ADGRL3: variants seen among roughly 807,000 people sequenced by gnomAD.
The protein encoded by ADGRL3 is adhesion G protein-coupled receptor L3, also known as calcium-independent alpha-latrotoxin receptor 3.
Under a neutral mutation model 153.5 loss-of-function variants are expected in ADGRL3, and 62 were observed. That is an observed-to-expected ratio of 0.40 (90% confidence interval 0.33 to 0.50). The LOEUF is 0.50. Ranked by LOEUF, ADGRL3 falls within the 20% of genes least tolerant of loss-of-function variation. The pLI is 0.47. For missense variants in ADGRL3, 1,641 were observed against 1,859.4 expected (o/e 0.88, Z 2.16); for synonymous variants, 710 against 672.5 (o/e 1.06, Z -0.86).
At chr4:61,847,830 A>AATATATT (rs1382950552) in intron 9 of ADGRL3, among the ~76,000 whole-genome samples, 1 of 16,206 alleles carries the variant, frequency 6.2e-5, no homozygotes, top group East Asian at 1.0e-3. Flanking sequence ...TATAATATAA[A>AATATATT]ATATATATAT....
At chr4:61,588,873 A>G (rs1172654390) in intron 5 of ADGRL3, among the ~76,000 whole-genome samples, 1 of 152,078 alleles carries the variant, frequency 6.6e-6, no homozygotes, top group Non-Finnish European at 1.5e-5. Context: ...TTAACCAAAC[A>G]TAAGATTCTG....
At chr4:61,763,375 C>T (rs535820684) in intron 8 of ADGRL3, among the ~76,000 whole-genome samples, 65 of 150,942 alleles carry the variant, frequency 4.3e-4, no homozygotes, top group African/African-American at 1.5e-3. Flanking sequence ...TTAGTAGAGA[C>T]GGGGTTTCAC....
At chr4:61,852,302 T>A (rs201024918) in intron 9 of ADGRL3, among the ~76,000 whole-genome samples, 26,876 of 151,298 alleles carry the variant, frequency 0.18, 3,131 homozygotes, top group African/African-American at 0.34. Flanking sequence ...TATTTTATTT[T>A]ATTTTATTTT....
At chr4:62,051,235 C>G (rs1267741147) in intron 25 of ADGRL3, among the ~76,000 whole-genome samples, 2 of 146,378 alleles carry the variant, frequency 1.4e-5, no homozygotes, top group South Asian at 2.1e-4. Flanking sequence ...TTGATAGAAA[C>G]AATCAGAAAA....
rs1359536265 is a variant in ADGRL3, at chr4:62,074,927, G to A, written c.*4019G>A. The A allele has an allele frequency of 6.6e-6, 1 of 151,970 alleles. No individual in the cohort carries two copies. The highest frequency in any genetic ancestry group is 2.4e-5 in the African/African-American group (1 of 41,384). The allele number at this position is 151,970 out of a possible 1,614,324, so 9.4% of individuals were successfully genotyped here. ...TAAAGGACCCACATATTTAATTTTAGGCATTGTCTTCAGCTTCCCTGGACC... is the reference window on the plus strand; with the variant it reads ...TAAAGGACCCACATATTTAATTTTAAGCATTGTCTTCAGCTTCCCTGGACC... On this transcript the variant is annotated 3_prime_UTR_variant, in exon 27 of 27. Transcript: ENST00000683033.
At chr4:61,566,210 A>G (rs532682860) in intron 4 of ADGRL3, among the ~76,000 whole-genome samples, 201 of 152,276 alleles carry the variant, frequency 1.3e-3, no homozygotes, top group Non-Finnish European at 2.0e-3. Flanking sequence ...GCTCAGGGCT[A>G]TGAAGACAAG....
intron 8 of ADGRL3, among the ~76,000 whole-genome samples, chr4:61,738,300 G>C (rs1398583265): frequency 6.6e-6 from 1 of 151,988 alleles, no homozygotes; most frequent in Admixed American, 6.6e-5. Flanking sequence ...TTATATCACA[G>C]TTTTTTTATC....
At chr4:61,894,308 C>T (rs570979353) in intron 10 of ADGRL3, among the ~76,000 whole-genome samples, 2 of 152,110 alleles carry the variant, frequency 1.3e-5, no homozygotes, top group South Asian at 2.1e-4. Flanking sequence ...TTTCATATTC[C>T]ATGGTATAGG....
chr4:61,795,334 G>T (rs2097396825), intron 8 of ADGRL3, among the ~76,000 whole-genome samples: 1 of 152,044 alleles, frequency 6.6e-6, no homozygotes, highest in Non-Finnish European at 1.5e-5. Context: ...TCAACATGTT[G>T]CTATGCTGTT....
intron 1 of ADGRL3, among the ~76,000 whole-genome samples, chr4:61,325,662 T>A (rs569175817): frequency 6.6e-6 from 1 of 152,350 alleles, no homozygotes; most frequent in East Asian, 1.9e-4. Flanking sequence ...AGCTTTATTT[T>A]ATTTTTTTCT....
At chr4:61,757,581 C>G (rs2096851698) in intron 8 of ADGRL3, among the ~76,000 whole-genome samples, 1 of 152,116 alleles carries the variant, frequency 6.6e-6, no homozygotes, top group Non-Finnish European at 1.5e-5. Flanking sequence ...CTCCTGGATT[C>G]ATTGATTTTT....
At chr4:61,242,167 G>A (rs573886343) in intron 1 of ADGRL3, among the ~76,000 whole-genome samples, 4 of 152,070 alleles carry the variant, frequency 2.6e-5, no homozygotes, top group African/African-American at 7.2e-5. Flanking sequence ...TTCCTGGGCA[G>A]CACTTATTCA....
chr4:61,921,966 G>T (rs948107099), intron 13 of ADGRL3, among the ~76,000 whole-genome samples: 1 of 152,186 alleles, frequency 6.6e-6, no homozygotes, highest in African/African-American at 2.4e-5. Context: ...CTCTTCATCA[G>T]TAGGAAATCG....
At chr4:61,368,770 G>T (rs937305616) in intron 1 of ADGRL3, among the ~76,000 whole-genome samples, 35 of 152,206 alleles carry the variant, frequency 2.3e-4, no homozygotes, top group African/African-American at 6.7e-4. Context: ...GTGAAGAAAG[G>T]CATTGGTAGC....
At chr4:61,747,461 A>C (rs2096681704) in intron 8 of ADGRL3, among the ~76,000 whole-genome samples, 1 of 150,910 alleles carries the variant, frequency 6.6e-6, no homozygotes, top group Non-Finnish European at 1.5e-5. Context: ...ATCCTCAATA[A>C]AATACTGGCA....
At chr4:61,781,059 G>T (rs1295671240) in intron 8 of ADGRL3, among the ~76,000 whole-genome samples, 1 of 152,124 alleles carries the variant, frequency 6.6e-6, no homozygotes, top group Non-Finnish European at 1.5e-5. Flanking sequence ...GGGCATGGTG[G>T]CTCACGCCTG....
At chr4:61,978,701 A>G (rs549772419) in intron 17 of ADGRL3, among the ~76,000 whole-genome samples, 2 of 152,310 alleles carry the variant, frequency 1.3e-5, no homozygotes, top group South Asian at 4.1e-4. Flanking sequence ...ATTGACAACC[A>G]AGGAACATGG....
chr4:61,793,447 G>C (rs771297876), intron 8 of ADGRL3, among the ~76,000 whole-genome samples: 1 of 151,868 alleles, frequency 6.6e-6, no homozygotes, highest in African/African-American at 2.4e-5. Context: ...ACAAAAATCA[G>C]ATCTCATGAG....
At chr4:61,766,680 C>G (rs992772009) in intron 8 of ADGRL3, among the ~76,000 whole-genome samples, 11 of 151,680 alleles carry the variant, frequency 7.3e-5, no homozygotes, top group African/African-American at 2.7e-4. Context: ...GGCAGTACAG[C>G]CTAGGTAATT....
Sources: allele counts gnomAD v4.1 joint callset (sites outside exome capture counted in the v4.1 genomes callset), GRCh38; gene constraint gnomAD v4.1.1; transcripts MANE v1.5; gene names NCBI Gene and HGNC (gene_info 2026-07-23, HGNC 2026-07-21).